Variants in PBRM1 observed in about 807,000 individuals in gnomAD.
PBRM1 encodes protein polybromo-1.
PBRM1 carries 27 observed loss-of-function variants against 194.5 expected under a neutral mutation model. That is an observed-to-expected ratio of 0.14 (90% confidence interval 0.10 to 0.19). PBRM1 has a LOEUF of 0.19. Among genes scored for constraint, PBRM1 ranks in the 10% least tolerant of loss-of-function variants. The pLI is 1.00. For missense variants in PBRM1, 1,466 were observed against 2,077.2 expected, an observed-to-expected ratio of 0.71 and a Z score of 5.72; for synonymous variants, 655 against 693.2, an observed-to-expected ratio of 0.94 and a Z score of 0.87.
chr3:52,659,309 T>C (rs2096669800), intron 4 of PBRM1, among the ~76,000 whole-genome samples: 2 of 152,228 alleles, frequency 1.3e-5, no homozygotes, highest in Non-Finnish European at 1.5e-5. Context: ...CTAGTCCAAA[T>C]CATTTTTTGT....
intron 13 of PBRM1, among the ~76,000 whole-genome samples, chr3:52,622,614 C>T (rs1247317694): frequency 1.3e-5 from 2 of 152,128 alleles, no homozygotes; most frequent in Non-Finnish European, 2.9e-5. Flanking sequence ...ATGTGATTTT[C>T]CAGGATCACC....
At chr3:52,569,280 G>A (rs1021410522) in intron 22 of PBRM1, among the ~76,000 whole-genome samples, 6 of 150,980 alleles carry the variant, frequency 4.0e-5, no homozygotes, top group Non-Finnish European at 5.9e-5. Context: ...GCGCGATCTC[G>A]GTTCATTGCA....
intron 6 of PBRM1, among the ~76,000 whole-genome samples, chr3:52,650,859 T>G (rs2096471504): frequency 6.6e-6 from 1 of 152,184 alleles, no homozygotes; most frequent in South Asian, 2.1e-4. Context: ...TGGTACAATT[T>G]AGCTCTTTTT....
At chr3:52,634,336 C>T (rs948693285) in intron 11 of PBRM1, among the ~76,000 whole-genome samples, 3 of 149,630 alleles carry the variant, frequency 2.0e-5, no homozygotes, top group Admixed American at 6.8e-5. Flanking sequence ...ACTCAGGAGG[C>T]TGAGGCAAGA....
chr3:52,636,433 A>T (rs2095814174), intron 10 of PBRM1, among the ~76,000 whole-genome samples: 1 of 152,008 alleles, frequency 6.6e-6, no homozygotes, highest in Admixed American at 6.6e-5. Context: ...TATAGTTGCT[A>T]TGTACTCTCA....
At chr3:52,644,094 ATAC>A (rs1355455692) in intron 8 of PBRM1, among the ~76,000 whole-genome samples, 1 of 151,702 alleles carries the variant, frequency 6.6e-6, no homozygotes, top group Admixed American at 6.6e-5. Flanking sequence ...TATAAATACC[ATAC>A]TATTATCTAT....
At chr3:52,639,001 G>A in intron 10 of PBRM1, among the ~76,000 whole-genome samples, 1 of 104,818 alleles carries the variant, frequency 9.5e-6, no homozygotes, top group African/African-American at 3.6e-5. Context: ...GGGGGGGGCG[G>A]GGGACAAAGT....
In PBRM1 at chr3:52,653,836, GGAGGCA is replaced by G. The variant is rs1191750926; in HGVS notation, c.646-2032_646-2027del. Among the ~76,000 whole-genome samples, 5 of 152,170 alleles carry G rather than the reference GGAGGCA, an allele frequency of 3.3e-5. No individual in the cohort carries two copies. The South Asian group carries it at 1.0e-3, about 32-fold the overall frequency. On this transcript the variant is annotated intron_variant, in intron 5 of 29. Coordinates refer to ENST00000296302, the Ensembl canonical transcript of PBRM1. ...GAGGCAGGAGAATCGCTTGAACCTGGGAGGCAGAGGTTGCAGTGGGCTGAGATCACG... is the reference window on the plus strand; with the variant it reads ...GAGGCAGGAGAATCGCTTGAACCTGGGAGGTTGCAGTGGGCTGAGATCACG...
At chr3:52,674,935 C>T (rs1366016078) in intron 2 of PBRM1, among the ~76,000 whole-genome samples, 2 of 151,714 alleles carry the variant, frequency 1.3e-5, no homozygotes, top group African/African-American at 4.8e-5. Flanking sequence ...CACTGCACTC[C>T]AGCCTGGGTG....
At chr3:52,605,652 G>C (rs1332569512) in intron 16 of PBRM1, among the ~76,000 whole-genome samples, 1 of 151,312 alleles carries the variant, frequency 6.6e-6, no homozygotes, top group Non-Finnish European at 1.5e-5. Flanking sequence ...GCCCAGGCTG[G>C]AGTACAGTGG....
At chr3:52,662,176 T>G in exon 4 of PBRM1, 1 of 1,614,130 alleles carries the variant, frequency 6.2e-7, no homozygotes, top group Non-Finnish European at 8.5e-7. Flanking sequence ...ATCTTCATCA[T>G]CATCTTCGTC....
intron 17 of PBRM1, among the ~76,000 whole-genome samples, chr3:52,591,892 T>C (rs906577588): frequency 4.2e-5 from 6 of 142,302 alleles, no homozygotes; most frequent in Admixed American, 7.2e-5. Flanking sequence ...AGTGGCGCCA[T>C]CTCGGCTCAC....
In PBRM1 at chr3:52,617,683, C is replaced by T. The variant is rs574964762; in HGVS notation, c.1542-145G>A. 561 of 615,652 alleles carry T rather than the reference C, an allele frequency of 9.1e-4. 2 individuals carry two copies. Among genetic ancestry groups the T allele is most frequent in the South Asian group, 1.8e-3 (69 of 39,420 alleles). The allele number at this position is 615,652 out of a possible 1,614,324, so 38.1% of individuals were successfully genotyped here. A position where few individuals can be genotyped will look rare whatever the true frequency, so the allele number is the denominator to read the frequency against. On this transcript the variant is annotated intron_variant, in intron 13 of 29. Coordinates refer to ENST00000296302, the Ensembl canonical transcript of PBRM1. ...ATTACATATGCCACAAACACAGTAACCATGCTGGAAGTTATAAGCAAATAT... is the reference window on the plus strand; with the variant it reads ...ATTACATATGCCACAAACACAGTAATCATGCTGGAAGTTATAAGCAAATAT...
intron 10 of PBRM1, among the ~76,000 whole-genome samples, chr3:52,640,273 ATTTTTAT>A (rs1212035045): frequency 6.6e-6 from 1 of 151,506 alleles, no homozygotes; most frequent in Non-Finnish European, 1.5e-5. Context: ...CAATTTTATT[ATTTTTAT>A]TTTTTATTTA....
intron 20 of PBRM1, among the ~76,000 whole-genome samples, chr3:52,582,471 G>A (rs556544719): frequency 7.0e-6 from 1 of 142,096 alleles, no homozygotes; most frequent in Non-Finnish European, 1.5e-5. Flanking sequence ...ATGCAGTGGC[G>A]TGATCTCAGC....
intron 25 of PBRM1, 116 bp from the exon 28 acceptor site, chr3:52,558,529 G>T: frequency 1.1e-6 from 1 of 879,536 alleles, no homozygotes; most frequent in South Asian, 2.1e-5. Context: ...TCAATGGAAG[G>T]AACAGTAGAT....
At chr3:52,587,157 T>G (rs747275853) in intron 19 of PBRM1, among the ~76,000 whole-genome samples, 196 bp downstream of exon 21, 1 of 152,190 alleles carries the variant, frequency 6.6e-6, no homozygotes, top group Non-Finnish European at 1.5e-5. Context: ...AGCCAAATAG[T>G]GTAAGCAGCA....
upstream of PBRM1, among the ~76,000 whole-genome samples, chr3:52,680,150 C>T (rs564416283): frequency 2.0e-5 from 3 of 152,260 alleles, no homozygotes; most frequent in Admixed American, 2.0e-4. Context: ...ACCTCATCTG[C>T]TTCTCTATGT....
At chr3:52,621,143 C>T (rs2095257719) in intron 13 of PBRM1, among the ~76,000 whole-genome samples, 1 of 152,098 alleles carries the variant, frequency 6.6e-6, no homozygotes, top group South Asian at 2.1e-4. Flanking sequence ...ACTCTATAAC[C>T]AAAACATAAC....
Sources: gnomAD v4.1 joint callset for allele counts (sites outside exome capture counted in the v4.1 genomes callset) on GRCh38, gnomAD v4.1.1 for gene constraint, MANE v1.5 for transcripts, NCBI Gene and HGNC (gene_info 2026-07-23, HGNC 2026-07-21) for gene names.